UPRT: variants seen among roughly 807,000 people sequenced by gnomAD.
The protein encoded by UPRT is uracil phosphoribosyltransferase homolog.
UPRT carries 5 observed loss-of-function variants against 22.6 expected under a neutral mutation model. The observed-to-expected ratio is 0.22, with a 90% CI of 0.12 to 0.47. The LOEUF (loss-of-function observed/expected upper bound fraction) is 0.47, where lower values mean the gene tolerates loss of function less well. UPRT is among the 20% of genes least tolerant of loss of function. The pLI, the probability that UPRT is intolerant of heterozygous loss-of-function variation, is 0.99. For missense variants in UPRT, 181 were observed against 239.9 expected (o/e 0.75, Z 1.62); for synonymous variants, 77 against 87.7 (o/e 0.88, Z 0.68).
At chrX:75,195,176 A>G (rs989391528) in intron 4 of UPRT, among the ~76,000 whole-genome samples, 2 of 112,360 alleles carry the variant, frequency 1.8e-5, no homozygotes, top group African/African-American at 6.5e-5. Context: ...GTGGGCTGGT[A>G]TGTGCCCATG....
At chrX:75,234,561 A>C (rs1254400406) in intron 4 of UPRT, among the ~76,000 whole-genome samples, 2 of 112,040 alleles carry the variant, frequency 1.8e-5, no homozygotes, top group African/African-American at 6.5e-5. Context: ...GCAAATGTAA[A>C]AGAACAGAAA....
chrX:75,161,965 C>T (rs954572557), intron 2 of UPRT, among the ~76,000 whole-genome samples: 1 of 111,504 alleles, frequency 9.0e-6, no homozygotes, highest in African/African-American at 3.3e-5. Context: ...GTGGGAATTT[C>T]GTAGGACTGT....
At chrX:75,264,423 T>C (rs949798155) in intron 4 of UPRT, among the ~76,000 whole-genome samples, 4 of 111,959 alleles carry the variant, frequency 3.6e-5, no homozygotes, top group Non-Finnish European at 7.5e-5. Context: ...TGGGTGCATA[T>C]ATAGTTAGGA....
At chrX:75,264,417 T>C (rs868563100) in intron 4 of UPRT, among the ~76,000 whole-genome samples, 2 of 111,976 alleles carry the variant, frequency 1.8e-5, no homozygotes, top group Middle Eastern at 4.6e-3. Context: ...CTGTATTGGG[T>C]GCATATATAG....
intron 4 of UPRT, among the ~76,000 whole-genome samples, chrX:75,195,114 G>C (rs1046138495): frequency 8.9e-6 from 1 of 112,119 alleles, no homozygotes; most frequent in Non-Finnish European, 1.9e-5. Flanking sequence ...CCGTGGGCAA[G>C]TGTGTGTAGG....
intron 4 of UPRT, among the ~76,000 whole-genome samples, chrX:75,191,768 C>T (rs1040288365): frequency 8.9e-6 from 1 of 112,309 alleles, no homozygotes. Flanking sequence ...AAGCCAGGCA[C>T]GGGATATAAT....
intron 4 of UPRT, among the ~76,000 whole-genome samples, chrX:75,178,649 G>T (rs1205887245): frequency 9.1e-6 from 1 of 110,256 alleles, no homozygotes; most frequent in African/African-American, 3.3e-5. Flanking sequence ...GACCTTCATG[G>T]TGAGTGTTAC....
intron 1 of UPRT, among the ~76,000 whole-genome samples, chrX:75,277,459 T>C (rs2082636103): frequency 9.1e-6 from 1 of 109,831 alleles, no homozygotes; most frequent in Non-Finnish European, 1.9e-5. Context: ...TCCAGAGAAG[T>C]GATTTAGGCA....
chrX:75,168,662 T>A (rs1188221577), intron 4 of UPRT, among the ~76,000 whole-genome samples: 1 of 111,079 alleles, frequency 9.0e-6, no homozygotes, highest in Non-Finnish European at 1.9e-5. Context: ...CCCGAATAGC[T>A]GGGATTACAG....
At chrX:75,247,334 A>G (rs1337538572) in intron 4 of UPRT, among the ~76,000 whole-genome samples, 1 of 111,300 alleles carries the variant, frequency 9.0e-6, no homozygotes, top group Non-Finnish European at 1.9e-5. Flanking sequence ...TCCTAGTCAA[A>G]AAAAAGGGGT....
intron 1 of UPRT, among the ~76,000 whole-genome samples, chrX:75,280,892 C>A (rs1436089103): frequency 4.5e-5 from 5 of 111,630 alleles, no homozygotes; most frequent in Non-Finnish European, 9.4e-5. Flanking sequence ...ATTGACTCTA[C>A]CCATCCATGA....
intron 4 of UPRT, among the ~76,000 whole-genome samples, chrX:75,230,714 T>A (rs1372099814): frequency 2.7e-5 from 3 of 111,752 alleles, no homozygotes; most frequent in African/African-American, 9.8e-5. Context: ...CCCCTGCCAC[T>A]TCCACTGGAG....
intron 4 of UPRT, among the ~76,000 whole-genome samples, chrX:75,206,218 T>C (rs747097009): frequency 3.9e-4 from 43 of 110,927 alleles, no homozygotes; most frequent in African/African-American, 1.3e-3. Context: ...GCCTTTTCGG[T>C]GGTGGTAGGG....
At chrX:75,181,947 G>A (rs756742945) in intron 4 of UPRT, among the ~76,000 whole-genome samples, 3 of 111,787 alleles carry the variant, frequency 2.7e-5, no homozygotes, top group Admixed American at 1.9e-4. Context: ...AATTCTTCCA[G>A]CATTTGCTCA....
intron 4 of UPRT, among the ~76,000 whole-genome samples, chrX:75,257,849 C>G (rs1350135804): frequency 9.0e-6 from 1 of 111,288 alleles, no homozygotes; most frequent in East Asian, 2.9e-4. Flanking sequence ...GAGATTGATG[C>G]AGAAGAAGGG....
intron 3 of UPRT, among the ~76,000 whole-genome samples, chrX:75,166,618 A>T (rs1209889509): frequency 8.9e-6 from 1 of 111,855 alleles, no homozygotes; most frequent in East Asian, 2.8e-4. Context: ...TAATGTAAAT[A>T]AAAGTGTATA....
chrX:75,220,199 C>G (rs1163195455), intron 4 of UPRT, among the ~76,000 whole-genome samples: 2 of 111,125 alleles, frequency 1.8e-5, no homozygotes, highest in Admixed American at 1.9e-4. Context: ...TGTTTGAAAT[C>G]TATTTTTTTT....
upstream of UPRT, among the ~76,000 whole-genome samples, chrX:75,272,433 C>T (rs796110171): frequency 9.7e-6 from 1 of 103,017 alleles, no homozygotes; most frequent in South Asian, 4.4e-4. Context: ...GCTTTTGCAG[C>T]GACCTGGATG....
intron 4 of UPRT, among the ~76,000 whole-genome samples, chrX:75,260,103 G>A (rs1569276665): frequency 1.8e-5 from 2 of 111,994 alleles, no homozygotes; most frequent in East Asian, 2.8e-4. Context: ...GCTCCTGAAG[G>A]AAGCACTCAA....
Sources: allele counts gnomAD v4.1 joint callset (sites outside exome capture counted in the v4.1 genomes callset), GRCh38; gene constraint gnomAD v4.1.1; transcripts MANE v1.5; gene names NCBI Gene and HGNC (gene_info 2026-07-23, HGNC 2026-07-21).